ARHGAP32: variants seen among roughly 807,000 people sequenced by gnomAD.
ARHGAP32 encodes the protein Rho GTPase activating protein 32, also known as rho GTPase-activating protein 32.
In ARHGAP32, 51 loss-of-function variants were observed where a neutral mutation model predicts 186.5. The observed-to-expected ratio is 0.27, with a 90% confidence interval of 0.22 to 0.35. The LOEUF is 0.35. Ranked by LOEUF, ARHGAP32 falls within the 10% of genes least tolerant of loss-of-function variation. The pLI, the probability that ARHGAP32 is intolerant of heterozygous loss-of-function variation, is 1.00. For synonymous variants in ARHGAP32, 950 were observed against 964.3 expected, an observed-to-expected ratio of 0.99 and a Z score of 0.27; for missense variants, 2,186 against 2,623.5, an observed-to-expected ratio of 0.83 and a Z score of 3.64.
rs534447705 is a variant in ARHGAP32 at position 129,123,373 on chromosome 11, T to C, written c.444+73A>G. On this transcript the variant is annotated intron_variant, in intron 5 of 22. Transcript: ENST00000682385. The surrounding 1 kb of genome is among the most constrained non-coding windows in gnomAD (Gnocchi z 4.6). ...AAGTGTCATCTATTAGATACAGATATATAGATAAGCATCTAGATATAAAGG... is the reference window on the plus strand; with the variant it reads ...AAGTGTCATCTATTAGATACAGATACATAGATAAGCATCTAGATATAAAGG... 8 of 1,267,626 alleles carry C rather than the reference T, an allele frequency of 6.3e-6. No homozygotes were observed. The African/African-American group carries it at 1.2e-4, about 19-fold the overall frequency. 78.5% of individuals were successfully genotyped at this position (1,267,626 alleles called of 1,614,324 possible).
chr11:129,204,313 A>G (rs1944490782), intron 1 of ARHGAP32, among the ~76,000 whole-genome samples: 1 of 152,162 alleles, frequency 6.6e-6, no homozygotes, highest in South Asian at 2.1e-4. Flanking sequence ...AATTGAATGC[A>G]TAATCAGGGG....
chr11:128,968,735 G>A lies in ARHGAP32; in HGVS notation c.*172C>T. The A allele has an allele frequency of 2.1e-6, 1 of 486,020 alleles. No homozygotes were observed. Among genetic ancestry groups the A allele is most frequent in the Middle Eastern group, 5.7e-4 (1 of 1,746 alleles). 30.1% of individuals were successfully genotyped at this position (486,020 alleles called of 1,614,324 possible). ...GACAAAGTCTATAGATGGAAGAGGG[G>A]GTAATGAAGCAGGGAAGGGGAAAAA... On this transcript the variant is annotated 3_prime_UTR_variant, in exon 23 of 23. Coordinates refer to ENST00000682385, the MANE Select transcript of ARHGAP32 (RefSeq NM_001378024.1).
chr11:129,156,959 A>C (rs1943423797), intron 2 of ARHGAP32, among the ~76,000 whole-genome samples: 2 of 152,312 alleles, frequency 1.3e-5, no homozygotes, highest in Non-Finnish European at 1.5e-5. Context: ...GACATACAGA[A>C]AACTCCAGCA....
intron 6 of ARHGAP32, among the ~76,000 whole-genome samples, chr11:129,091,993 G>C (rs1941590721): frequency 6.6e-6 from 1 of 152,028 alleles, no homozygotes; most frequent in Non-Finnish European, 1.5e-5. Flanking sequence ...GCAAAGAACA[G>C]GTGCAAATGC....
chr11:129,101,378 T>C (rs1941893853), intron 5 of ARHGAP32, among the ~76,000 whole-genome samples: 1 of 152,078 alleles, frequency 6.6e-6, no homozygotes, highest in South Asian at 2.1e-4. Context: ...GGAAATAGAA[T>C]TCAGAATATG....
intron 1 of ARHGAP32, among the ~76,000 whole-genome samples, chr11:129,265,100 T>G (rs369529272): frequency 1.3e-5 from 2 of 152,082 alleles, no homozygotes; most frequent in Admixed American, 6.5e-5. Flanking sequence ...AGAATACAAA[T>G]GGATAAACAT....
intron 1 of ARHGAP32, among the ~76,000 whole-genome samples, chr11:129,245,762 T>C (rs1364882827): frequency 1.3e-5 from 2 of 151,644 alleles, no homozygotes; most frequent in Non-Finnish European, 2.9e-5. Flanking sequence ...TATTTTCCCA[T>C]TCTCCTGGTT....
At chr11:129,090,267 TTGA>T (rs1011960674) in intron 6 of ARHGAP32, among the ~76,000 whole-genome samples, 5 of 152,332 alleles carry the variant, frequency 3.3e-5, no homozygotes, top group African/African-American at 1.2e-4. Flanking sequence ...GAATGCATTT[TTGA>T]TGATGGAATT....
At chr11:129,143,084 T>TATATATATATATATATATATATATAC (rs1378971288) in intron 2 of ARHGAP32, among the ~76,000 whole-genome samples, 1 of 148,556 alleles carries the variant, frequency 6.7e-6, no homozygotes, top group Admixed American at 6.7e-5. Context: ...TATATATATA[T>TATATATATATATATATATATATATAC]ATATAATCAA....
chr11:129,226,910 C>T (rs1342826852), intron 1 of ARHGAP32, among the ~76,000 whole-genome samples: 2 of 152,006 alleles, frequency 1.3e-5, no homozygotes, highest in African/African-American at 4.8e-5. Context: ...TAGATTAACT[C>T]AAATGCAGAT....
intron 10 of ARHGAP32, among the ~76,000 whole-genome samples, chr11:129,049,024 G>A (rs756206560): frequency 2.6e-5 from 4 of 152,010 alleles, no homozygotes; most frequent in Admixed American, 1.3e-4. Flanking sequence ...CGGAGATCCT[G>A]GATGATCTTG....
At chr11:129,007,752 A>C (rs1234986060) in intron 11 of ARHGAP32, among the ~76,000 whole-genome samples, 1 of 152,160 alleles carries the variant, frequency 6.6e-6, no homozygotes, top group Non-Finnish European at 1.5e-5. Context: ...TGTGCCCCTC[A>C]AGTCCATTGG....
intron 17 of ARHGAP32, 48 bp downstream of exon 17, chr11:128,981,368 G>A (rs1384897179): frequency 1.3e-6 from 2 of 1,535,466 alleles, no homozygotes; most frequent in Non-Finnish European, 1.8e-6. Context: ...CTACTCCTCT[G>A]GAAGCTGAGA....
intron 11 of ARHGAP32, among the ~76,000 whole-genome samples, chr11:129,036,234 G>C (rs1007967243): frequency 6.6e-6 from 1 of 151,930 alleles, no homozygotes; most frequent in South Asian, 2.1e-4. Context: ...CAAAAAGTTA[G>C]CCGGGCATGG....
chr11:129,226,656 T>A (rs949516089), intron 1 of ARHGAP32, among the ~76,000 whole-genome samples: 1 of 152,144 alleles, frequency 6.6e-6, no homozygotes, highest in Non-Finnish European at 1.5e-5. Flanking sequence ...ATCTTATCAG[T>A]CATTACGTTA....
intron 15 of ARHGAP32, among the ~76,000 whole-genome samples, chr11:128,984,545 TA>T (rs1390261881): frequency 6.6e-6 from 1 of 152,092 alleles, no homozygotes; most frequent in Non-Finnish European, 1.5e-5. Flanking sequence ...AAATTTTGGA[TA>T]AAAAGTCTAT....
chr11:129,218,990 G>GTAAA (rs1342207173), intron 1 of ARHGAP32, among the ~76,000 whole-genome samples: 1 of 152,134 alleles, frequency 6.6e-6, no homozygotes, highest in African/African-American at 2.4e-5. Context: ...GAGAGCCACG[G>GTAAA]CCAACCCTTC....
At chr11:129,219,239 G>A (rs1304101340) in intron 1 of ARHGAP32, among the ~76,000 whole-genome samples, 1 of 152,032 alleles carries the variant, frequency 6.6e-6, no homozygotes, top group African/African-American at 2.4e-5. Context: ...TTCCTATCAG[G>A]AAATAAATAC....
At chr11:129,264,158 G>A (rs1456454462) in intron 1 of ARHGAP32, among the ~76,000 whole-genome samples, 2 of 152,162 alleles carry the variant, frequency 1.3e-5, no homozygotes, top group Non-Finnish European at 2.9e-5. Flanking sequence ...ATATTGTACA[G>A]TATAATCCCA....
Sources: allele counts gnomAD v4.1 joint callset (sites outside exome capture counted in the v4.1 genomes callset), GRCh38; gene constraint gnomAD v4.1.1; non-coding constraint Gnocchi (gnomAD v3.1); transcripts MANE v1.5; gene names NCBI Gene and HGNC (gene_info 2026-07-23, HGNC 2026-07-21).